The following DNAH5 variants were observed in gnomAD, a reference collection of about 807,000 sequenced individuals.
DNAH5 encodes the protein dynein axonemal heavy chain 5.
Under a neutral mutation model 518.2 loss-of-function variants are expected in DNAH5, and 372 were observed. The ratio of observed to expected loss-of-function variants is 0.72; its 90% CI spans 0.66 to 0.78. The LOEUF is 0.78. Ranked by LOEUF, DNAH5 falls within the 30% of genes least tolerant of loss-of-function variation. The probability of loss-of-function intolerance (pLI) is 0.00; values close to 1 mark genes in which losing one functional copy is unlikely to be tolerated. For synonymous variants in DNAH5, 2,039 were observed against 2,025.9 expected, an observed-to-expected ratio of 1.01 and a Z score of -0.17; for missense variants, 5,523 against 5,687.0, an observed-to-expected ratio of 0.97 and a Z score of 0.93.
intron 1 of DNAH5, among the ~76,000 whole-genome samples, chr5:13,950,535 C>A: frequency 6.6e-6 from 1 of 152,184 alleles, no homozygotes. Context: ...CTCAGCCTCC[C>A]AAAGTGCTGG....
intron 1 of DNAH5, among the ~76,000 whole-genome samples, chr5:14,010,489 TAGAAA>T: frequency 6.6e-6 from 1 of 152,226 alleles, no homozygotes; most frequent in Admixed American, 6.5e-5. Flanking sequence ...AATTAAGACA[TAGAAA>T]AAAGTCATTG....
intron 48 of DNAH5, 103 bp from the exon 49 acceptor site, chr5:13,793,831 T>G (rs886528185): frequency 3.1e-5 from 48 of 1,554,206 alleles, no homozygotes; most frequent in Admixed American, 1.8e-4. Context: ...AATTCAGAAA[T>G]TATATCTTGA....
chr5:13,865,868 A>G lies in DNAH5; in HGVS notation c.4155T>C (p.Tyr1385=). The G allele has an allele frequency of 6.2e-7, 1 of 1,611,942 alleles. No individual in the cohort carries two copies. Among genetic ancestry groups the G allele is most frequent in the Non-Finnish European group, 8.5e-7 (1 of 1,178,140 alleles). The change falls in exon 27 of 79, where the codon TAT becomes TAC. Residue 1385 remains tyrosine, a synonymous_variant. Transcript: ENST00000265104. ...GGCCAAAAAGCTCCTCTCCTCCAGT[A>G]TATGTGATGTATTTCCGATAGATAT... ...FDNIYRKYIT[Y]TGGEELFGLP... is the part of the protein sequence containing the mutation.
rs530119725 is a variant in DNAH5 at position 13,844,690 on chromosome 5, G to C, written c.5271+147C>G. ...TTACACAGTTCTGAAGGTAAATTGG[G>C]CCCCGAGATTTGTTTTTAGTCACTG... On this transcript the variant is annotated intron_variant, in intron 32 of 78. Transcript: ENST00000265104. 1.8e-5 allele frequency: 17 copies of C among 950,320 alleles called. No homozygotes were observed. The East Asian group carries it at 3.1e-4, about 17-fold the overall frequency. 58.9% of individuals were successfully genotyped at this position (950,320 alleles called of 1,614,324 possible). A position where few individuals can be genotyped will look rare whatever the true frequency, so the allele number is the denominator to read the frequency against.
At chr5:13,947,201 T>C (rs1779996929), upstream of DNAH5, among the ~76,000 whole-genome samples, 1 of 152,206 alleles carries the variant, frequency 6.6e-6, no homozygotes, top group African/African-American at 2.4e-5. Context: ...AGGTATAAGC[T>C]TTATGTGGAC....
rs146855878 is a variant in DNAH5, at chr5:13,797,283, A to C, written c.7888-3225T>G. On this transcript the variant is annotated intron_variant, in intron 47 of 78. Transcript: ENST00000265104. The stretch of plus-strand genomic sequence containing the variant: ...ACAGGCAACCTACAGAATGGGAGAA[A>C]ATTTTTGCAATCTACCCATCTGAAA... 8.4e-3 allele frequency among the ~76,000 whole-genome samples: 1,279 copies of C among 152,304 alleles called. 17 individuals carry two copies. Among genetic ancestry groups the C allele is most frequent in the African/African-American group, 0.025 (1,058 of 41,570 alleles).
chr5:13,951,153 A>G (rs1780361834), intron 1 of DNAH5, among the ~76,000 whole-genome samples: 2 of 149,602 alleles, frequency 1.3e-5, no homozygotes, highest in Admixed American at 6.6e-5. Flanking sequence ...TTTCCTGAAT[A>G]TAAAGTAACA....
At chr5:13,818,480 T>C (rs757387619) in intron 41 of DNAH5, among the ~76,000 whole-genome samples, 13 of 152,230 alleles carry the variant, frequency 8.5e-5, no homozygotes, top group Non-Finnish European at 1.6e-4. Context: ...CCAAAGCACT[T>C]CCTTGCGTAT....
rs767716511 is a variant in DNAH5 at position 13,701,349 on chromosome 5, G to A, written c.13426C>T (p.Arg4476Ter). The A allele has an allele frequency of 8.1e-6, 13 of 1,613,992 alleles. No homozygotes were observed. Among genetic ancestry groups the A allele is most frequent in the African/African-American group, 1.3e-5 (1 of 74,988 alleles). ...CCCGTCATCCAAAAGCAGTGAGGTCGGCCATTGAAAACCCACGAGGTAAAC... is the reference window on the plus strand; with the variant it reads ...CCCGTCATCCAAAAGCAGTGAGGTCAGCCATTGAAAACCCACGAGGTAAAC... ...SQFTSWVFNG[R>*]PHCFWMTGFF... Residue 4476 changes from arginine to a stop codon, truncating the protein, a stop_gained, in exon 77 of 79, where the codon CGA (arginine) becomes TGA (stop). Coordinates refer to ENST00000265104, the MANE Select transcript of DNAH5 (RefSeq NM_001369.3). LOFTEE classifies it high-confidence loss of function.
rs535045590 is a variant in DNAH5 at position 13,848,005 on chromosome 5, T to C, written c.5114+2647A>G. ...CCTTTTCTCGTTCTCTCTGACCTGA[T>C]CCTGGTGTTAGGCACAGAGCATTCC... On this transcript the variant is annotated intron_variant, in intron 31 of 78. Coordinates refer to ENST00000265104, the MANE Select transcript of DNAH5 (RefSeq NM_001369.3). 8.5e-5 allele frequency among the ~76,000 whole-genome samples: 13 copies of C among 152,334 alleles called. No homozygotes were observed. In the South Asian group the frequency reaches 2.7e-3, roughly 32 times the overall value.
In DNAH5 at chr5:13,844,890, C is replaced by G; in HGVS notation, c.5218G>C (p.Ala1740Pro). Reference protein sequence around the residue: ...GQASDSHTIQAHLLNVFDNIK... With the variant: ...GQASDSHTIQPHLLNVFDNIK... ...TTGTCAAACACATTCAGCAAATGGG[C>G]CTGTATAGTGTGGGAGTCCGACGCC... The change falls in exon 32 of 79, where the codon GCC becomes CCC. Residue 1740 changes from alanine (A) to proline (P), a missense_variant. By Grantham distance (27) the Ala-to-Pro change is conservative (BLOSUM62 -1). This residue lies in a region of DNAH5 where 5,121 missense variants were observed against 5,223.3 expected (regional missense o/e 0.98). Coordinates refer to ENST00000265104, the MANE Select transcript of DNAH5 (RefSeq NM_001369.3). 1 of 1,614,160 alleles carries G rather than the reference C, an allele frequency of 6.2e-7. No individual in the cohort carries two copies. Among genetic ancestry groups the G allele is most frequent in the South Asian group, 1.1e-5 (1 of 91,084 alleles).
chr5:13,810,469 G>T, intron 44 of DNAH5: 3 of 611,608 alleles, frequency 4.9e-6, no homozygotes, highest in Non-Finnish European at 5.8e-6. Flanking sequence ...GGCCGGGCAC[G>T]GTGGCTCATG....
intron 1 of DNAH5, among the ~76,000 whole-genome samples, chr5:13,958,866 A>G (rs1444421825): frequency 6.6e-6 from 1 of 152,244 alleles, no homozygotes; most frequent in East Asian, 1.9e-4. Context: ...ACCTTAATGC[A>G]TTTTAAAGAG....
At chr5:13,824,392 TA>T in intron 38 of DNAH5, 59 bp from the exon 39 acceptor site, 1 of 1,522,308 alleles carries the variant, frequency 6.6e-7, no homozygotes, top group African/African-American at 1.4e-5. Context: ...GCAGAAGCCA[TA>T]TGAATCTGAC....
At chr5:13,910,488 G>C (rs34093778) in intron 12 of DNAH5, among the ~76,000 whole-genome samples, 36,660 of 152,134 alleles carry the variant, frequency 0.24, 5,101 homozygotes, top group East Asian at 0.66. Flanking sequence ...TTACTTTGAA[G>C]TGCACAAATT....
intron 59 of DNAH5, 87 bp downstream of exon 59, chr5:13,765,889 T>A: frequency 7.4e-7 from 1 of 1,354,350 alleles, no homozygotes; most frequent in Non-Finnish European, 1.1e-6. Context: ...GAGTAAGTTC[T>A]TTTTTTAGAA....
intron 75 of DNAH5, among the ~76,000 whole-genome samples, chr5:13,713,428 C>T (rs1279093653): frequency 1.6e-4 from 10 of 60,874 alleles, no homozygotes; most frequent in Admixed American, 6.6e-4. Flanking sequence ...TATATATATA[C>T]ATCGACATAT....
chr5:13,956,107 G>A (rs1021892509), intron 1 of DNAH5, among the ~76,000 whole-genome samples: 2 of 152,084 alleles, frequency 1.3e-5, no homozygotes, highest in South Asian at 2.1e-4. Flanking sequence ...ATCTCTGCTG[G>A]TCACTGTCCC....
At chr5:13,735,043 G>A (rs1268317675) in intron 68 of DNAH5, 88 bp downstream of exon 68, 7 of 1,273,332 alleles carry the variant, frequency 5.5e-6, no homozygotes, top group Non-Finnish European at 6.8e-6. Context: ...CAAGGCAATT[G>A]TTATAACCAA....
Sources: allele counts gnomAD v4.1 joint callset (sites outside exome capture counted in the v4.1 genomes callset), GRCh38; gene constraint gnomAD v4.1.1; regional missense constraint gnomAD v4.1.1; transcripts MANE v1.5; gene names NCBI Gene and HGNC (gene_info 2026-07-23, HGNC 2026-07-21).